The following DHX29 variants were observed in gnomAD, a reference collection of about 807,000 sequenced individuals.
DHX29 encodes the protein ATP-dependent RNA helicase DHX29.
Under a neutral mutation model 167.9 loss-of-function variants are expected in DHX29, and 79 were observed. That is an observed-to-expected ratio of 0.47 (90% CI 0.39 to 0.57). The LOEUF (loss-of-function observed/expected upper bound fraction) is 0.57. Among genes scored for constraint, DHX29 ranks in the 20% least tolerant of loss-of-function variants. The probability of loss-of-function intolerance (pLI) is 0.00; values close to 1 mark genes in which losing one functional copy is unlikely to be tolerated. For missense variants in DHX29, 1,347 were observed against 1,593.4 expected, an observed-to-expected ratio of 0.85 and a Z score of 2.63; for synonymous variants, 530 against 546.0, an observed-to-expected ratio of 0.97 and a Z score of 0.41.
chr5:55,268,041 G>C (rs1163766753), intron 21 of DHX29, among the ~76,000 whole-genome samples: 1 of 151,408 alleles, frequency 6.6e-6, no homozygotes, highest in African/African-American at 2.4e-5. Flanking sequence ...GTTATTTTTT[G>C]TTTCATTTTA....
Position 55,262,810 on chromosome 5 carries a change from A to C in DHX29, c.3648T>G (p.Leu1216=). ...ACAGTCCAGCCACCAGTACAGCTTT[A>C]AGAAGGGCAATTTCTTGGAATGAGA... ...QTLSFQEIAL[L]KAVLVAGLYD... Residue 1216 remains leucine (L), a synonymous_variant, in exon 24 of 27, where the codon CTT becomes CTG. Coordinates refer to ENST00000251636, the MANE Select transcript of DHX29 (RefSeq NM_019030.4). The C allele has an allele frequency of 1.2e-6, 2 of 1,614,054 alleles. No homozygotes were observed. The highest frequency in any genetic ancestry group is 1.7e-6 in the Non-Finnish European group (2 of 1,179,984).
intron 1 of DHX29, among the ~76,000 whole-genome samples, chr5:55,301,348 T>C (rs1748588644): frequency 6.6e-6 from 1 of 152,180 alleles, no homozygotes; most frequent in African/African-American, 2.4e-5. Flanking sequence ...TTTCACTTCA[T>C]GGAGCCCTTG....
intron 23 of DHX29, among the ~76,000 whole-genome samples, chr5:55,265,978 T>A (rs1391732129): frequency 6.6e-6 from 1 of 152,056 alleles, no homozygotes; most frequent in Non-Finnish European, 1.5e-5. Flanking sequence ...ATGTAGATTC[T>A]CTCCTTTCAA....
intron 9 of DHX29, 119 bp from the exon 10 acceptor site, chr5:55,285,535 G>A: frequency 8.1e-7 from 1 of 1,234,682 alleles, no homozygotes; most frequent in Non-Finnish European, 1.1e-6. Context: ...TCCATGGAAG[G>A]CATTATTAGA....
Position 55,267,180 on chromosome 5 carries a change from G to A in DHX29, c.3483C>T (p.Cys1161=). Residue 1161 remains cysteine, a synonymous_variant, in exon 23 of 27, where the codon TGC becomes TGT. Coordinates refer to ENST00000251636, the MANE Select transcript of DHX29 (RefSeq NM_019030.4). The part of the protein sequence containing the change: ...EGGYRSEITY[C]RRNFLNRTSL... ...ATGTTCTATTAAGAAAGTTCCTCCG[G>A]CAGTATGTGATTTCAGAACGATAAC... is the stretch of plus-strand genomic sequence containing the variant. 6.2e-7 allele frequency: 1 copy of A among 1,612,892 alleles called. No individual in the cohort carries two copies. Among genetic ancestry groups the A allele is most frequent in the African/African-American group, 1.3e-5 (1 of 74,982 alleles).
intron 5 of DHX29, chr5:55,295,039 A>C (rs1381879486): frequency 1.6e-5 from 3 of 187,860 alleles, no homozygotes; most frequent in African/African-American, 7.1e-5. Context: ...AAAACATGTA[A>C]ACAGAGGGAT....
At chr5:55,296,918 G>A (rs1748354975) in intron 3 of DHX29, among the ~76,000 whole-genome samples, 1 of 152,158 alleles carries the variant, frequency 6.6e-6, no homozygotes, top group African/African-American at 2.4e-5. Context: ...AGTAACCTTA[G>A]GGTATAATTT....
At chr5:55,278,941 T>C (rs1053324751) in intron 12 of DHX29, among the ~76,000 whole-genome samples, 1 of 151,480 alleles carries the variant, frequency 6.6e-6, no homozygotes, top group East Asian at 1.9e-4. Context: ...TGTTAAGGAG[T>C]TGTGATTTTA....
At chr5:55,306,146 A>G (rs1748846935) in intron 1 of DHX29, among the ~76,000 whole-genome samples, 1 of 152,346 alleles carries the variant, frequency 6.6e-6, no homozygotes, top group Non-Finnish European at 1.5e-5. Flanking sequence ...CTAACTCTGT[A>G]GCTAACACTA....
At position 55,274,743 on chromosome 5, in the gene DHX29, A is replaced by T; in HGVS notation, c.2573-12T>A. On this transcript the variant is annotated splice_polypyrimidine_tract_variant and intron_variant, in intron 15 of 26. Transcript: ENST00000251636. ...TTGGGGACTTTTATCTGAAATTTTT[A>T]AAAAGATACAATATTCAAAATAAGA... is the stretch of plus-strand genomic sequence containing the variant. The T allele has an allele frequency of 6.3e-7, 1 of 1,575,184 alleles. No individual in the cohort carries two copies. The highest frequency in any genetic ancestry group is 8.6e-7 in the Non-Finnish European group (1 of 1,164,842).
chr5:55,280,456 G>T (rs1747344707), intron 12 of DHX29, among the ~76,000 whole-genome samples: 1 of 151,990 alleles, frequency 6.6e-6, no homozygotes, highest in Admixed American at 6.6e-5. Context: ...TTTAAGAATG[G>T]TAATAAGAAA....
intron 8 of DHX29, among the ~76,000 whole-genome samples, chr5:55,287,092 T>C (rs1266021084): frequency 6.6e-6 from 1 of 152,252 alleles, no homozygotes; most frequent in Non-Finnish European, 1.5e-5. Flanking sequence ...CCTTTTCTAC[T>C]GTACACTTGG....
chr5:55,283,038 T>A, intron 11 of DHX29, 165 bp downstream of exon 11: 1 of 620,616 alleles, frequency 1.6e-6, no homozygotes, highest in Non-Finnish European at 2.6e-6. Flanking sequence ...GACAGTGGCA[T>A]ACTATCACAT....
intron 8 of DHX29, among the ~76,000 whole-genome samples, chr5:55,286,463 G>C (rs1561158410): frequency 6.6e-6 from 1 of 152,132 alleles, no homozygotes; most frequent in Non-Finnish European, 1.5e-5. Flanking sequence ...ACATTTGGAA[G>C]GCTACTCTGT....
chr5:55,284,798 A>G (rs935108961), intron 10 of DHX29, among the ~76,000 whole-genome samples: 1 of 152,216 alleles, frequency 6.6e-6, no homozygotes, highest in Admixed American at 6.5e-5. Context: ...GCGAGACAAT[A>G]TAACATTAAA....
chr5:55,291,909 T>C (rs2111939990), intron 6 of DHX29, among the ~76,000 whole-genome samples: 1 of 152,358 alleles, frequency 6.6e-6, no homozygotes, highest in Non-Finnish European at 1.5e-5. Context: ...ACATTTTACC[T>C]ATTCATTCAT....
chr5:55,256,197 A>G lies in DHX29; in HGVS notation c.*291T>C. 1 of 203,436 alleles carries G rather than the reference A, an allele frequency of 4.9e-6. No individual in the cohort carries two copies. The highest frequency in any genetic ancestry group is 1.0e-4 in the South Asian group (1 of 10,048). The allele number at this position is 203,436 out of a possible 1,614,324, so 12.6% of individuals were successfully genotyped here. Reference sequence around the variant, plus strand: ...GGAATCACAACATTAAGCTACAGATACCACAGACATAGGCCTTGCCCTTAT... The same window carrying G: ...GGAATCACAACATTAAGCTACAGATGCCACAGACATAGGCCTTGCCCTTAT... On this transcript the variant is annotated 3_prime_UTR_variant, in exon 27 of 27. Transcript: ENST00000251636.
At chr5:55,301,321 G>A (rs1183612310) in intron 1 of DHX29, among the ~76,000 whole-genome samples, 1 of 152,128 alleles carries the variant, frequency 6.6e-6, no homozygotes, top group East Asian at 1.9e-4. Context: ...AAACATCTCA[G>A]AATTATTATG....
rs1283185664 is a variant in DHX29, at chr5:55,297,276, G to A, written c.375+9C>T. 7.2e-6 allele frequency: 10 copies of A among 1,394,840 alleles called. No homozygotes were observed. Among genetic ancestry groups the A allele is most frequent in the South Asian group, 1.2e-5 (1 of 84,322 alleles). The allele number at this position is 1,394,840 out of a possible 1,614,324, so 86.4% of individuals were successfully genotyped here. ...AAAACTAAGGAACTTTAAAAAGTTTGCAAAATACCTGCAATTTTTTGGCAG... is the reference window on the plus strand; with the variant it reads ...AAAACTAAGGAACTTTAAAAAGTTTACAAAATACCTGCAATTTTTTGGCAG... On this transcript the variant is annotated intron_variant, in intron 3 of 26. Coordinates refer to ENST00000251636, the MANE Select transcript of DHX29 (RefSeq NM_019030.4).
Sources: gnomAD v4.1 joint callset for allele counts (sites outside exome capture counted in the v4.1 genomes callset) on GRCh38, gnomAD v4.1.1 for gene constraint, MANE v1.5 for transcripts, NCBI Gene and HGNC (gene_info 2026-07-23, HGNC 2026-07-21) for gene names.